The following TFB1M variants were observed in gnomAD, a reference collection of about 807,000 sequenced individuals.
The protein encoded by TFB1M is dimethyladenosine transferase 1, mitochondrial.
Under a neutral mutation model 31.1 loss-of-function variants are expected in TFB1M, and 27 were observed. That is an observed-to-expected ratio of 0.87 (90% confidence interval 0.64 to 1.20). TFB1M has a LOEUF of 1.20. TFB1M is among the 50% of genes most tolerant of loss of function. The probability of loss-of-function intolerance (pLI) is 0.00; values close to 1 mark genes in which losing one functional copy is unlikely to be tolerated. For missense variants in TFB1M, 394 were observed against 418.7 expected, an observed-to-expected ratio of 0.94 and a Z score of 0.51; for synonymous variants, 166 against 151.8, an observed-to-expected ratio of 1.09 and a Z score of -0.69.
At chr6:155,295,410 T>A (rs1161635000) in intron 4 of TFB1M, among the ~76,000 whole-genome samples, 1 of 151,198 alleles carries the variant, frequency 6.6e-6, no homozygotes, top group East Asian at 1.9e-4. Context: ...CATAGGAATA[T>A]AAATCTGTGT....
chr6:155,250,156 G>GT, the TFB1M span, among the ~76,000 whole-genome samples: 1 of 152,102 alleles, frequency 6.6e-6, no homozygotes, highest in Non-Finnish European at 1.5e-5. Context: ...CATTACACTG[G>GT]TTTAAAATAT....
chr6:155,303,987 C>A (rs1252185234), intron 2 of TFB1M, among the ~76,000 whole-genome samples: 2 of 152,068 alleles, frequency 1.3e-5, no homozygotes, highest in Admixed American at 1.3e-4. Context: ...TTCCACTATG[C>A]CAATGAAGTA....
the TFB1M span, chr6:155,244,562 G>C: frequency 1.4e-6 from 2 of 1,430,402 alleles, no homozygotes; most frequent in South Asian, 1.4e-5. Flanking sequence ...TTTCCGTGAA[G>C]AATTTCCTTG....
chr6:155,305,352 TTG>T (rs1562425090), intron 2 of TFB1M, among the ~76,000 whole-genome samples: 1 of 35,194 alleles, frequency 2.8e-5, no homozygotes, highest in African/African-American at 1.2e-4. Context: ...ATATATTAAA[TTG>T]TATATTTATA....
chr6:155,250,968 A>C, the TFB1M span: 1 of 1,614,182 alleles, frequency 6.2e-7, no homozygotes, highest in Non-Finnish European at 8.5e-7. Flanking sequence ...TCCTGGTTGA[A>C]TCCATTTCTG....
chr6:155,297,873 C>T (rs964304080), intron 3 of TFB1M, among the ~76,000 whole-genome samples: 8 of 152,222 alleles, frequency 5.3e-5, no homozygotes, highest in Non-Finnish European at 1.2e-4. Context: ...CTGGCAGAGA[C>T]TGCAAGTGCG....
At chr6:155,238,113 A>G in the TFB1M span, among the ~76,000 whole-genome samples, 1 of 152,140 alleles carries the variant, frequency 6.6e-6, no homozygotes, top group African/African-American at 2.4e-5. Context: ...CTGTTTAGAA[A>G]TTTCTTCTCC....
At chr6:155,243,474 T>G in the TFB1M span, among the ~76,000 whole-genome samples, 1 of 152,192 alleles carries the variant, frequency 6.6e-6, no homozygotes, top group Non-Finnish European at 1.5e-5. Flanking sequence ...TGTAAAGGTG[T>G]GGAATCCAGC....
the TFB1M span, chr6:155,250,055 A>G: frequency 2.1e-6 from 2 of 935,472 alleles, no homozygotes; most frequent in South Asian, 1.7e-5. Flanking sequence ...CCCTGTTAGG[A>G]CTTTCCTGGA....
chr6:155,245,554 T>C, the TFB1M span: 1 of 1,326,384 alleles, frequency 7.5e-7, no homozygotes, highest in Non-Finnish European at 1.1e-6. Context: ...CATGGGGCCG[T>C]CAAATGCCAT....
downstream of TFB1M, chr6:155,256,083 A>C: frequency 7.7e-6 from 2 of 258,412 alleles, no homozygotes; most frequent in Non-Finnish European, 1.5e-5. Context: ...AGGTGAGAAG[A>C]TGCATAGGAA....
At chr6:155,249,245 C>T in the TFB1M span, among the ~76,000 whole-genome samples, 6 of 152,192 alleles carry the variant, frequency 3.9e-5, no homozygotes, top group African/African-American at 1.4e-4. Context: ...CATATTCCCT[C>T]GCGGAAAGTT....
rs959076456 is a variant in TFB1M at position 155,257,262 on chromosome 6, T to TAAAG, written c.*570_*573dup. ...TATACATTTTCCCACAAAATGGTTG[T>TAAAG]AAAGATTTAAGTTATTTTAATTTAT... is the stretch of plus-strand genomic sequence containing the variant. On this transcript the variant is annotated 3_prime_UTR_variant, in exon 7 of 7. Transcript: ENST00000367166. 17 of 942,582 alleles carry TAAAG rather than the reference T, an allele frequency of 1.8e-5. No individual in the cohort carries two copies. Among genetic ancestry groups the TAAAG allele is most frequent in the Non-Finnish European group, 2.5e-5 (16 of 649,770 alleles). 58.4% of individuals were successfully genotyped at this position (942,582 alleles called of 1,614,324 possible).
the TFB1M span, chr6:155,244,858 A>G: frequency 2.7e-6 from 4 of 1,472,160 alleles, no homozygotes; most frequent in Non-Finnish European, 3.6e-6. Context: ...GAATTCTCTC[A>G]TGAGAAAGAA....
chr6:155,249,978 G>T, the TFB1M span: 1 of 1,607,594 alleles, frequency 6.2e-7, no homozygotes, highest in Admixed American at 1.7e-5. Flanking sequence ...AGGTCCGTGA[G>T]ACATCTGCAC....
downstream of TFB1M, among the ~76,000 whole-genome samples, chr6:155,251,674 G>T (rs1466066975): frequency 1.3e-5 from 2 of 152,206 alleles, no homozygotes; most frequent in Non-Finnish European, 2.9e-5. Context: ...TTGTCACTGA[G>T]ATGAACACAG....
chr6:155,309,362 T>C (rs1401719094), intron 2 of TFB1M, among the ~76,000 whole-genome samples: 2 of 152,210 alleles, frequency 1.3e-5, no homozygotes, highest in Admixed American at 6.5e-5. Flanking sequence ...TCATGGTACT[T>C]ACATTCCAGA....
Position 155,259,442 on chromosome 6 carries a change from T to C in TFB1M, c.794+831A>G, listed in dbSNP as rs112007048. Among the ~76,000 whole-genome samples, 1,025 of 152,372 alleles carry C rather than the reference T, an allele frequency of 6.7e-3. 1 individual carries two copies. The highest frequency in any genetic ancestry group is 0.011 in the Non-Finnish European group (720 of 68,040). ...CAATGGGCTTTGTGGACTGCAGCAC[T>C]CTTAGGAGCTGATGCCCAGCTGGCC... On this transcript the variant is annotated intron_variant, in intron 6 of 6. Transcript: ENST00000367166.
intron 5 of TFB1M, among the ~76,000 whole-genome samples, chr6:155,270,770 G>A (rs1324283176): frequency 6.6e-6 from 1 of 152,274 alleles, no homozygotes; most frequent in African/African-American, 2.4e-5. Context: ...GGCGACCAGC[G>A]AAACAAGCCA....
Sources: allele counts gnomAD v4.1 joint callset (sites outside exome capture counted in the v4.1 genomes callset), GRCh38; gene constraint gnomAD v4.1.1; transcripts MANE v1.5; gene names NCBI Gene and HGNC (gene_info 2026-07-23, HGNC 2026-07-21).